ZNF248: variants seen among roughly 807,000 people sequenced by gnomAD.
The protein encoded by ZNF248 is KRAB protein domain.
A neutral mutation model predicts 44.3 loss-of-function variants in ZNF248; 20 were observed. The ratio of observed to expected loss-of-function variants is 0.45; its 90% CI spans 0.32 to 0.66. The LOEUF is 0.66. Ranked by LOEUF, ZNF248 falls within the 30% of genes least tolerant of loss-of-function variation. ZNF248 has a pLI of 0.04. For synonymous variants in ZNF248, 224 were observed against 229.0 expected (o/e 0.98, Z 0.20); for missense variants, 654 against 677.0 (o/e 0.97, Z 0.38).
In ZNF248 at chr10:37,831,454, G is replaced by A; in HGVS notation, c.*161C>T. 1 of 1,461,660 alleles carries A rather than the reference G, an allele frequency of 6.8e-7. No homozygotes were observed. The highest frequency in any genetic ancestry group is 9.0e-7 in the Non-Finnish European group (1 of 1,108,348). The allele number at this position is 1,461,660 out of a possible 1,614,324, so 90.5% of individuals were successfully genotyped here. ...ACTTAGATGAATAGAATTCCCCTCA[G>A]TACAAATTTTCTAATGAAAAGTTTT... On this transcript the variant is annotated 3_prime_UTR_variant, in exon 6 of 6. Coordinates refer to ENST00000395867, the MANE Select transcript of ZNF248 (RefSeq NM_021045.3).
intron 6 of ZNF248, chr10:37,776,702 A>T: frequency 2.7e-6 from 1 of 377,342 alleles, no homozygotes. Context: ...TCCAAGCAAC[A>T]CAGTCATGCA....
intron 6 of ZNF248, among the ~76,000 whole-genome samples, chr10:37,804,705 G>A (rs2050313941): frequency 6.6e-6 from 1 of 152,324 alleles, no homozygotes; most frequent in East Asian, 1.9e-4. Flanking sequence ...GTCGCCCAAA[G>A]TGCTGGGATT....
chr10:37,780,617 G>A (rs548779330), intron 6 of ZNF248, among the ~76,000 whole-genome samples: 4 of 152,200 alleles, frequency 2.6e-5, no homozygotes, highest in South Asian at 2.1e-4. Flanking sequence ...ATCCTCTGGC[G>A]TAGGGACTAA....
At chr10:37,768,303 C>G in the ZNF248 span, among the ~76,000 whole-genome samples, 1 of 152,174 alleles carries the variant, frequency 6.6e-6, no homozygotes, top group Non-Finnish European at 1.5e-5. Flanking sequence ...AAATCTCCAC[C>G]CCAAATCTAC....
At chr10:37,847,783 C>T (rs1489294034) in intron 3 of ZNF248, among the ~76,000 whole-genome samples, 2 of 151,996 alleles carry the variant, frequency 1.3e-5, no homozygotes, top group South Asian at 4.2e-4. Context: ...AGGAATGGGT[C>T]AAAGTAAAAG....
intron 6 of ZNF248, among the ~76,000 whole-genome samples, chr10:37,817,944 G>C (rs1003851326): frequency 1.3e-5 from 2 of 151,912 alleles, no homozygotes; most frequent in Non-Finnish European, 2.9e-5. Flanking sequence ...GAGACGGAGT[G>C]TCACTCTGTC....
Position 37,831,528 on chromosome 10 carries a change from C to T in ZNF248, c.*87G>A, listed in dbSNP as rs2055623056. The T allele has an allele frequency of 6.6e-7, 1 of 1,505,398 alleles. No individual in the cohort carries two copies. Among genetic ancestry groups the T allele is most frequent in the Non-Finnish European group, 8.9e-7 (1 of 1,129,652 alleles). The allele number at this position is 1,505,398 out of a possible 1,614,324, so 93.3% of individuals were successfully genotyped here. A position where few individuals can be genotyped will look rare whatever the true frequency, so the allele number is the denominator to read the frequency against. Reference sequence around the variant, plus strand: ...TATTCAAACAAGAAGTCATTTTCTACAAATTTCTGACATTCTTTGGCTTTC... The same window carrying T: ...TATTCAAACAAGAAGTCATTTTCTATAAATTTCTGACATTCTTTGGCTTTC... On this transcript the variant is annotated 3_prime_UTR_variant, in exon 6 of 6. Coordinates refer to ENST00000395867, the MANE Select transcript of ZNF248 (RefSeq NM_021045.3).
At chr10:37,825,053 A>G (rs78774518), downstream of ZNF248, among the ~76,000 whole-genome samples, 3,101 of 152,148 alleles carry the variant, frequency 0.02, 115 homozygotes, top group East Asian at 0.11. Flanking sequence ...GACAAATGTT[A>G]AAGTATATCT....
the ZNF248 span, among the ~76,000 whole-genome samples, chr10:37,767,601 C>A: frequency 6.6e-6 from 1 of 152,122 alleles, no homozygotes; most frequent in Non-Finnish European, 1.5e-5. Context: ...ACCAGGCCTG[C>A]CCTAAAATAG....
chr10:37,843,762 C>T (rs1589828380), intron 3 of ZNF248, among the ~76,000 whole-genome samples: 1 of 151,794 alleles, frequency 6.6e-6, no homozygotes, highest in Admixed American at 6.6e-5. Context: ...GTAAAATGAC[C>T]GAAATTTAAA....
chr10:37,837,794 C>T (rs1255066370), intron 4 of ZNF248, 82 bp from the exon 5 acceptor site: 34 of 1,384,774 alleles, frequency 2.5e-5, no homozygotes, highest in Non-Finnish European at 3.3e-5. Flanking sequence ...AAGAAAGGCA[C>T]AGCTTCACCA....
intron 6 of ZNF248, among the ~76,000 whole-genome samples, chr10:37,791,232 C>T (rs1208763): frequency 0.06 from 9,099 of 151,312 alleles, 352 homozygotes; most frequent in Middle Eastern, 0.096. Context: ...TTAGTAGAGA[C>T]GGGGTTTCAC....
At chr10:37,767,206 T>C in the ZNF248 span, among the ~76,000 whole-genome samples, 1 of 152,158 alleles carries the variant, frequency 6.6e-6, no homozygotes, top group East Asian at 1.9e-4. Context: ...CTCTGCAGGA[T>C]ATTATCCAGG....
chr10:37,785,680 G>A (rs76998411), intron 6 of ZNF248, among the ~76,000 whole-genome samples: 112 of 152,220 alleles, frequency 7.4e-4, no homozygotes, highest in African/African-American at 2.6e-3. Flanking sequence ...TGTCTTCCAT[G>A]GCCACTAAAA....
chr10:37,840,836 T>C (rs1330618241), intron 3 of ZNF248, among the ~76,000 whole-genome samples: 2 of 152,114 alleles, frequency 1.3e-5, no homozygotes, highest in African/African-American at 4.8e-5. Flanking sequence ...CAGCTGCTTC[T>C]AGGTCTGGCA....
upstream of ZNF248, chr10:37,857,862 C>G (rs1214509650): frequency 1.3e-5 from 2 of 152,364 alleles, no homozygotes; most frequent in Non-Finnish European, 1.5e-5. Context: ...CAGACCTCAT[C>G]CCCTTCTGAC....
In ZNF248 at chr10:37,832,437, G is replaced by A. The variant is rs1012164911; in HGVS notation, c.918C>T (p.Phe306=). ...PYEYNEYGEI[F]CDNSAFIIHQ... is the part of the protein sequence containing the mutation. ...GGATAATGAAAGCTGAATTGTCACA[G>A]AAGATTTCCCCATATTCATTATATT... The change falls in exon 6 of 6, where the codon TTC becomes TTT. Residue 306 remains phenylalanine, a synonymous_variant. Transcript: ENST00000395867. The A allele has an allele frequency of 6.2e-7, 1 of 1,613,974 alleles. No homozygotes were observed. Among genetic ancestry groups the A allele is most frequent in the Non-Finnish European group, 8.5e-7 (1 of 1,179,938 alleles).
At chr10:37,802,210 G>A (rs1302494234) in intron 6 of ZNF248, among the ~76,000 whole-genome samples, 1 of 152,084 alleles carries the variant, frequency 6.6e-6, no homozygotes, top group Non-Finnish European at 1.5e-5. Flanking sequence ...AACTCGCCTG[G>A]GATCTGTTCG....
intron 3 of ZNF248, among the ~76,000 whole-genome samples, chr10:37,841,864 T>C (rs1057247759): frequency 1.3e-5 from 2 of 152,166 alleles, no homozygotes; most frequent in Non-Finnish European, 2.9e-5. Flanking sequence ...TGAGGGACAT[T>C]CTACAAAACA....
Sources: gnomAD v4.1 joint callset for allele counts (sites outside exome capture counted in the v4.1 genomes callset) on GRCh38, gnomAD v4.1.1 for gene constraint, MANE v1.5 for transcripts, NCBI Gene and HGNC (gene_info 2026-07-23, HGNC 2026-07-21) for gene names.